Variants in NUGGC observed in about 807,000 individuals in gnomAD.
NUGGC encodes nuclear GTPase SLIP-GC.
In NUGGC, 58 loss-of-function variants were observed where a neutral mutation model predicts 92.6. The observed-to-expected ratio is 0.63, with a 90% CI of 0.51 to 0.78. The LOEUF is 0.78. Among genes scored for constraint, NUGGC ranks in the 30% least tolerant of loss-of-function variants. The pLI is 0.00. For synonymous variants in NUGGC, 376 were observed against 366.4 expected, an observed-to-expected ratio of 1.03 and a Z score of -0.30; for missense variants, 925 against 964.6, an observed-to-expected ratio of 0.96 and a Z score of 0.54.
At chr8:28,030,190 T>A in intron 16 of NUGGC, 120 bp downstream of exon 16, 1 of 647,606 alleles carries the variant, frequency 1.5e-6, no homozygotes, top group Non-Finnish European at 2.8e-6. Context: ...GGACTGAGAG[T>A]GCTGCAAAGT....
At chr8:28,069,451 A>G in intron 4 of NUGGC, 93 bp downstream of exon 4, 1 of 670,630 alleles carries the variant, frequency 1.5e-6, no homozygotes, top group South Asian at 2.0e-5. Context: ...GTTTCTAATT[A>G]AATAGTCCCT....
chr8:28,079,069 C>T (rs1325847233), intron 1 of NUGGC, among the ~76,000 whole-genome samples: 1 of 152,226 alleles, frequency 6.6e-6, no homozygotes, highest in Non-Finnish European at 1.5e-5. Flanking sequence ...TATAGGAAGG[C>T]TGCACAGAAC....
intron 1 of NUGGC, among the ~76,000 whole-genome samples, chr8:28,079,250 A>G (rs1810791394): frequency 6.6e-6 from 1 of 152,168 alleles, no homozygotes; most frequent in Non-Finnish European, 1.5e-5. Context: ...GGCATTGAAT[A>G]AAGAATGCGG....
intron 11 of NUGGC, among the ~76,000 whole-genome samples, chr8:28,046,171 C>A (rs1046231906): frequency 6.6e-6 from 1 of 152,128 alleles, no homozygotes; most frequent in Non-Finnish European, 1.5e-5. Flanking sequence ...ATAATAGATG[C>A]CACTCTACCC....
At chr8:28,062,065 T>A (rs2130221001) in intron 7 of NUGGC, among the ~76,000 whole-genome samples, 1 of 152,260 alleles carries the variant, frequency 6.6e-6, no homozygotes, top group Non-Finnish European at 1.5e-5. Flanking sequence ...AGAACCACCA[T>A]CGGCTCAATG....
chr8:28,055,399 G>A (rs1423440291), intron 10 of NUGGC, among the ~76,000 whole-genome samples: 1 of 152,122 alleles, frequency 6.6e-6, no homozygotes, highest in Non-Finnish European at 1.5e-5. Context: ...ACTGTATGGA[G>A]AGCCCAGACT....
At chr8:28,047,810 G>C (rs1809879615) in intron 10 of NUGGC, among the ~76,000 whole-genome samples, 198 bp from the exon 11 acceptor site, 1 of 152,196 alleles carries the variant, frequency 6.6e-6, no homozygotes, top group African/African-American at 2.4e-5. Flanking sequence ...AAGTTATGAG[G>C]AAACTGCTGC....
Position 28,060,592 on chromosome 8 carries a change from T to C in NUGGC, c.931A>G (p.Lys311Glu). The C allele has an allele frequency of 1.2e-6, 2 of 1,610,178 alleles. No homozygotes were observed. The highest frequency in any genetic ancestry group is 1.7e-6 in the Non-Finnish European group (2 of 1,178,570). Residue 311 changes from lysine to glutamate, a missense_variant, in exon 8 of 19, where the codon AAG (lysine) becomes GAG (glutamate). Lys to Glu is a moderately conservative substitution (Grantham distance 56, BLOSUM62 1). Transcript: ENST00000413272. ...CTGATCACCCAGATCACTGAGCACT[T>C]GTCAATGGTCTGCAAAACATGACCA... ...RDEMWKKTIDKCSVIWVISDI... is the reference protein window; with the variant it reads ...RDEMWKKTIDECSVIWVISDI...
At chr8:28,068,182 A>C (rs1218328336) in intron 5 of NUGGC, 34 bp downstream of exon 5, 26 of 1,292,954 alleles carry the variant, frequency 2.0e-5, no homozygotes, top group Non-Finnish European at 2.8e-5. Flanking sequence ...AAAAGGAAGG[A>C]AGGGAAGGAA....
chr8:28,066,081 C>T (rs925001667), intron 6 of NUGGC, among the ~76,000 whole-genome samples: 7 of 152,144 alleles, frequency 4.6e-5, no homozygotes, highest in Non-Finnish European at 7.3e-5. Context: ...ACCTTGTTTC[C>T]GTGCGTAAAT....
intron 7 of NUGGC, among the ~76,000 whole-genome samples, chr8:28,061,873 C>A (rs1186508369): frequency 6.6e-6 from 1 of 152,182 alleles, no homozygotes; most frequent in African/African-American, 2.4e-5. Flanking sequence ...TCCCATCCCA[C>A]AAATAATTAT....
chr8:28,068,487 T>C, intron 4 of NUGGC, 49 bp from the exon 5 acceptor site: 2 of 1,272,194 alleles, frequency 1.6e-6, no homozygotes, highest in South Asian at 2.6e-5. Context: ...AAGTTTAGAG[T>C]GAAGAGCATT....
At chr8:28,054,279 C>T (rs1810077596) in intron 10 of NUGGC, among the ~76,000 whole-genome samples, 1 of 151,932 alleles carries the variant, frequency 6.6e-6, no homozygotes, top group East Asian at 1.9e-4. Flanking sequence ...GTCAGGAGTT[C>T]GAGACCAGCC....
In NUGGC at chr8:28,048,415, T is replaced by C. The variant is rs115229841; in HGVS notation, c.1207-803A>G. On this transcript the variant is annotated intron_variant, in intron 10 of 18. Transcript: ENST00000413272. ...TCAGCCTTTTGGGTTTTTTGTTTGT[T>C]TGTTTGTTTTGGGGGATTTTTTTGT... Among the ~76,000 whole-genome samples, 849 of 150,038 alleles carry C rather than the reference T, an allele frequency of 5.7e-3. 6 individuals are homozygous for C. Among genetic ancestry groups the C allele is most frequent in the African/African-American group, 0.02 (796 of 40,646 alleles).
At chr8:28,074,877 T>C (rs1810681567) in intron 1 of NUGGC, among the ~76,000 whole-genome samples, 1 of 152,078 alleles carries the variant, frequency 6.6e-6, no homozygotes, top group Admixed American at 6.5e-5. Context: ...AGGCGGGGCT[T>C]GTAGTGAGCC....
rs199524519 is a variant in NUGGC, at chr8:28,064,537, G to T, written c.906C>A (p.Asp302Glu). The change falls in exon 7 of 19, where the codon GAC becomes GAA. Residue 302 changes from aspartate (D) to glutamate (E), a missense_variant. Transcript: ENST00000413272. Reference sequence around the variant, plus strand: ...AGACAGTCACCTTTTTCCACATCTCGTCCCTCTTGCTGTTGAAGTCGCCTG... The same window carrying T: ...AGACAGTCACCTTTTTCCACATCTCTTCCCTCTTGCTGTTGAAGTCGCCTG... ...PGTGDFNSKR[D>E]EMWKKTIDKC... 5.6e-5 allele frequency: 91 copies of T among 1,613,790 alleles called. No homozygotes were observed. The highest frequency in any genetic ancestry group is 7.0e-5 in the Non-Finnish European group (82 of 1,179,826).
chr8:28,040,953 CTTTACCTCTT>C, intron 13 of NUGGC, 88 bp downstream of exon 13: 1 of 1,269,700 alleles, frequency 7.9e-7, no homozygotes, highest in Non-Finnish European at 1.1e-6. Flanking sequence ...CCCGCTAACT[CTTTACCTCTT>C]TTGAAGGGAA....
chr8:28,074,314 A>G (rs1172159114), intron 2 of NUGGC, 54 bp downstream of exon 2: 3 of 1,242,662 alleles, frequency 2.4e-6, no homozygotes, highest in Non-Finnish European at 2.4e-6. Context: ...CTTTTATCCT[A>G]TATCAGTAAT....
chr8:28,033,418 G>A (rs1379655768), intron 14 of NUGGC, 122 bp downstream of exon 14: 18 of 968,072 alleles, frequency 1.9e-5, no homozygotes, highest in African/African-American at 3.3e-5. Flanking sequence ...AAGGACTAAG[G>A]TTTCCTTCTC....
Sources: gnomAD v4.1 joint callset for allele counts (sites outside exome capture counted in the v4.1 genomes callset) on GRCh38, gnomAD v4.1.1 for gene constraint, MANE v1.5 for transcripts, NCBI Gene and HGNC (gene_info 2026-07-23, HGNC 2026-07-21) for gene names.